The following SKIC3 variants were observed in gnomAD, a reference collection of about 807,000 sequenced individuals.
SKIC3 encodes SKI3 subunit of superkiller complex.
chr5:95,497,250 C>A, the SKIC3 span, among the ~76,000 whole-genome samples: 2 of 152,332 alleles, frequency 1.3e-5, no homozygotes, highest in South Asian at 4.1e-4. Context: ...GGAGAAAACT[C>A]AGTCTAGTAT....
chr5:95,514,988 T>TTAAAAAGCATAAAA, the SKIC3 span: 1 of 1,494,246 alleles, frequency 6.7e-7, no homozygotes, highest in Non-Finnish European at 9.2e-7. Context: ...CCGCTTATGT[T>TTAAAAAGCATAAAA]TAAAAAGCAT....
the SKIC3 span, among the ~76,000 whole-genome samples, chr5:95,552,519 C>CA: frequency 2.0e-5 from 3 of 151,996 alleles, no homozygotes; most frequent in East Asian, 3.9e-4. Context: ...CCAGTGTTAA[C>CA]AAAAAAATGA....
At chr5:95,536,273 A>G in the SKIC3 span, among the ~76,000 whole-genome samples, 4 of 152,390 alleles carry the variant, frequency 2.6e-5, no homozygotes, top group East Asian at 7.7e-4. Flanking sequence ...TAATTACTTT[A>G]TAATATTACA....
chr5:95,479,551 T>C, the SKIC3 span, among the ~76,000 whole-genome samples: 1 of 152,164 alleles, frequency 6.6e-6, no homozygotes, highest in African/African-American at 2.4e-5. Context: ...GGAGACCACA[T>C]TCATATAACT....
the SKIC3 span, chr5:95,546,856 A>G: frequency 5.3e-6 from 3 of 569,222 alleles, no homozygotes. Context: ...TGGTTTTGTT[A>G]AGTTACCAAT....
the SKIC3 span, among the ~76,000 whole-genome samples, chr5:95,545,123 G>A: frequency 6.6e-6 from 1 of 152,260 alleles, no homozygotes; most frequent in Non-Finnish European, 1.5e-5. Flanking sequence ...GAATTTTGCA[G>A]AAAGTCTACA....
the SKIC3 span, among the ~76,000 whole-genome samples, chr5:95,545,081 A>C: frequency 6.6e-6 from 1 of 152,228 alleles, no homozygotes; most frequent in African/African-American, 2.4e-5. Context: ...TCTCTAGTAT[A>C]AATTATTAAC....
chr5:95,524,483 A>C, the SKIC3 span: 1 of 1,613,336 alleles, frequency 6.2e-7, no homozygotes, highest in Non-Finnish European at 8.5e-7. Context: ...AGTGGGTAAG[A>C]GCCTTTGTTT....
the SKIC3 span, among the ~76,000 whole-genome samples, chr5:95,466,885 C>T: frequency 6.6e-6 from 1 of 151,990 alleles, no homozygotes; most frequent in African/African-American, 2.4e-5. Context: ...ATAAAATAAT[C>T]CAATGTTTAT....
chr5:95,464,924 C>CTTTTTTTT, the SKIC3 span, among the ~76,000 whole-genome samples: 6 of 107,000 alleles, frequency 5.6e-5, no homozygotes, highest in African/African-American at 1.1e-4. Flanking sequence ...ATTCTGATTG[C>CTTTTTTTT]TTTTTTTTTT....
chr5:95,499,974 A>T, the SKIC3 span, among the ~76,000 whole-genome samples: 1 of 152,140 alleles, frequency 6.6e-6, no homozygotes, highest in East Asian at 1.9e-4. Context: ...TATAAGAATT[A>T]TTATGAATTT....
chr5:95,504,268 AG>A, the SKIC3 span, among the ~76,000 whole-genome samples: 1 of 149,736 alleles, frequency 6.7e-6, no homozygotes, highest in African/African-American at 2.5e-5. Context: ...CCCAGGAGGC[AG>A]AGGTTGTAGT....
At chr5:95,521,902 T>C in the SKIC3 span, 2 of 839,264 alleles carry the variant, frequency 2.4e-6, no homozygotes, top group South Asian at 1.9e-5. Flanking sequence ...TTCAAATTTA[T>C]ATAAGCTATA....
the SKIC3 span, among the ~76,000 whole-genome samples, chr5:95,535,307 A>ATTTTTTTTTT: frequency 3.3e-5 from 3 of 91,808 alleles, no homozygotes; most frequent in Admixed American, 1.3e-4. Context: ...GGTAACAGCA[A>ATTTTTTTTTT]TTTTTTTTTT....
chr5:95,547,733 C>T, the SKIC3 span, among the ~76,000 whole-genome samples: 25 of 152,206 alleles, frequency 1.6e-4, no homozygotes, highest in African/African-American at 6.0e-4. Context: ...AACTCTCCCA[C>T]TCTATACAAA....
At chr5:95,504,035 G>A in the SKIC3 span, 17 of 1,237,982 alleles carry the variant, frequency 1.4e-5, no homozygotes, top group South Asian at 4.7e-5. Context: ...TGGGCCGGAC[G>A]CGGTGGCTCA....
chr5:95,474,427 G>T, the SKIC3 span, among the ~76,000 whole-genome samples: 4 of 152,176 alleles, frequency 2.6e-5, no homozygotes, highest in African/African-American at 7.2e-5. Flanking sequence ...AGGAAAAAAG[G>T]ATGCTGAAAA....
At chr5:95,504,041 G>T in the SKIC3 span, 2 of 1,062,914 alleles carry the variant, frequency 1.9e-6, no homozygotes, top group Non-Finnish European at 1.3e-6. Context: ...GGACGCGGTG[G>T]CTCACATCTG....
chr5:95,516,579 T>C, the SKIC3 span: 1 of 1,613,442 alleles, frequency 6.2e-7, no homozygotes, highest in Non-Finnish European at 8.5e-7. Flanking sequence ...GGGCATAATT[T>C]CCAATACCTG....
Sources: gnomAD v4.1 joint callset for allele counts (sites outside exome capture counted in the v4.1 genomes callset) on GRCh38, gnomAD v4.1.1 for gene constraint, MANE v1.5 for transcripts, NCBI Gene and HGNC (gene_info 2026-07-23, HGNC 2026-07-21) for gene names.